The following RASA1 variants were observed in gnomAD, a reference collection of about 807,000 sequenced individuals.
RASA1 encodes the protein ras GTPase-activating protein 1.
In RASA1, 25 loss-of-function variants were observed where a neutral mutation model predicts 132.2. That is an observed-to-expected ratio of 0.19 (90% CI 0.14 to 0.26). The LOEUF (loss-of-function observed/expected upper bound fraction) is 0.26, where lower values mean the gene tolerates loss of function less well. Ranked by LOEUF, RASA1 falls within the 10% of genes least tolerant of loss-of-function variation. The probability of loss-of-function intolerance (pLI) is 1.00; values close to 1 mark genes in which losing one functional copy is unlikely to be tolerated. For missense variants in RASA1, 964 were observed against 1,299.2 expected (o/e 0.74, Z 3.97); for synonymous variants, 477 against 449.9 (o/e 1.06, Z -0.76).
At chr5:87,290,108 T>C (rs1438484573) in intron 1 of RASA1, among the ~76,000 whole-genome samples, 2 of 152,240 alleles carry the variant, frequency 1.3e-5, no homozygotes, top group South Asian at 2.1e-4. Flanking sequence ...TAGCAAGTTA[T>C]ATAGCTTGTT....
chr5:87,361,019 CACACACACAT>C (rs1760048806), intron 9 of RASA1, among the ~76,000 whole-genome samples: 1 of 152,112 alleles, frequency 6.6e-6, no homozygotes, highest in Non-Finnish European at 1.5e-5. Context: ...AACACAGTTA[CACACACACAT>C]ACACACACAC....
At chr5:87,327,981 AAGAG>A (rs763164073) in intron 1 of RASA1, among the ~76,000 whole-genome samples, 96 of 152,154 alleles carry the variant, frequency 6.3e-4, no homozygotes, top group African/African-American at 2.1e-3. Flanking sequence ...AAAAAAAAAA[AAGAG>A]AGAGAACTTC....
At chr5:87,320,165 G>A (rs922124771) in intron 1 of RASA1, among the ~76,000 whole-genome samples, 1 of 152,156 alleles carries the variant, frequency 6.6e-6, no homozygotes, top group Non-Finnish European at 1.5e-5. Context: ...GATTTTCACT[G>A]TCCATATCAC....
At chr5:87,319,072 TTCC>T in intron 1 of RASA1, among the ~76,000 whole-genome samples, 1 of 152,232 alleles carries the variant, frequency 6.6e-6, no homozygotes, top group Non-Finnish European at 1.5e-5. Flanking sequence ...TATCCTTTGA[TTCC>T]ATGTCTCACA....
intron 11 of RASA1, 32 bp from the exon 12 acceptor site, chr5:87,369,781 G>A (rs922341685): frequency 6.6e-7 from 1 of 1,504,802 alleles, no homozygotes; most frequent in Non-Finnish European, 9.2e-7. Context: ...TTTTTATTAA[G>A]CTTCCTAATA....
At chr5:87,314,368 A>C (rs1264199764) in intron 1 of RASA1, among the ~76,000 whole-genome samples, 1 of 152,116 alleles carries the variant, frequency 6.6e-6, no homozygotes. Context: ...TTGTTTCTGG[A>C]GATAATATTA....
chr5:87,281,935 T>A (rs1049358189), intron 1 of RASA1, among the ~76,000 whole-genome samples: 1 of 152,166 alleles, frequency 6.6e-6, no homozygotes, highest in Non-Finnish European at 1.5e-5. Context: ...CTTTATATGT[T>A]CTTGATATTA....
At chr5:87,330,738 T>C (rs533267870) in intron 1 of RASA1, among the ~76,000 whole-genome samples, 12 of 152,298 alleles carry the variant, frequency 7.9e-5, no homozygotes, top group African/African-American at 2.9e-4. Flanking sequence ...TTCTCCCACA[T>C]GTTTGTTACA....
At chr5:87,374,114 A>G in intron 13 of RASA1, 49 bp from the exon 14 acceptor site, 1 of 1,270,042 alleles carries the variant, frequency 7.9e-7, no homozygotes, top group Non-Finnish European at 1.0e-6. Flanking sequence ...ATGTAGTGCA[A>G]TTCTAGAAAT....
At chr5:87,385,218 A>G (rs1391212786) in intron 21 of RASA1, 83 bp from the exon 22 acceptor site, 1 of 899,176 alleles carries the variant, frequency 1.1e-6, no homozygotes, top group African/African-American at 1.6e-5. Context: ...CAGTAAAGAA[A>G]TATTAAAGTG....
intron 1 of RASA1, chr5:87,269,272 T>A (rs1183027269): frequency 1.3e-6 from 2 of 1,537,336 alleles, no homozygotes; most frequent in Non-Finnish European, 1.7e-6. Flanking sequence ...TATAGTTCTG[T>A]CCCTTCCAAG....
rs765869491 is a variant in RASA1, at chr5:87,353,193, G to A, written c.1290G>A (p.Gln430=). Residue 430 remains glutamine (Q), a synonymous_variant, in exon 9 of 25, where the codon CAG becomes CAA. Coordinates refer to ENST00000274376, the MANE Select transcript of RASA1 (RefSeq NM_002890.3). ...TCATAGATCACTATCGAAAAGAACA[G>A]ATTGTTGAAGGATATTATCTTAAGG... ...GDIIDHYRKE[Q]IVEGYYLKEP... 4.3e-6 allele frequency: 7 copies of A among 1,610,564 alleles called. No individual in the cohort carries two copies. The East Asian group carries it at 1.3e-4, about 31-fold the overall frequency.
intron 9 of RASA1, among the ~76,000 whole-genome samples, chr5:87,354,866 G>C (rs2112435997): frequency 6.6e-6 from 1 of 152,272 alleles, no homozygotes; most frequent in African/African-American, 2.4e-5. Context: ...CTGATATAGA[G>C]AAAATTTGAG....
At chr5:87,388,846 G>T (rs1762252732) in intron 23 of RASA1, among the ~76,000 whole-genome samples, 2 of 152,070 alleles carry the variant, frequency 1.3e-5, no homozygotes, top group Non-Finnish European at 2.9e-5. Flanking sequence ...ATTTAATCCA[G>T]ATTAGCAGTT....
At chr5:87,282,791 T>G (rs1007018821) in intron 1 of RASA1, among the ~76,000 whole-genome samples, 5 of 152,172 alleles carry the variant, frequency 3.3e-5, no homozygotes, top group African/African-American at 1.2e-4. Context: ...GGTCCTCAAG[T>G]TCACAGATTC....
chr5:87,280,951 A>G (rs1374617897), intron 1 of RASA1, among the ~76,000 whole-genome samples: 3 of 151,224 alleles, frequency 2.0e-5, no homozygotes, highest in Non-Finnish European at 2.9e-5. Context: ...AGGCTGAATA[A>G]TGTTCCATTG....
chr5:87,325,475 G>T (rs1008741315), intron 1 of RASA1, among the ~76,000 whole-genome samples: 2 of 152,198 alleles, frequency 1.3e-5, no homozygotes, highest in Admixed American at 6.5e-5. Context: ...AGACACAAGC[G>T]TGTGTAACAA....
chr5:87,307,461 A>G (rs1755670155), intron 1 of RASA1, among the ~76,000 whole-genome samples: 1 of 101,838 alleles, frequency 9.8e-6, no homozygotes, highest in South Asian at 2.9e-4. Flanking sequence ...ACTCTGTCTC[A>G]AAACAACAAC....
At chr5:87,372,045 A>AT in intron 12 of RASA1, 73 bp from the exon 13 acceptor site, 1 of 1,435,604 alleles carries the variant, frequency 7.0e-7, no homozygotes, top group South Asian at 1.2e-5. Flanking sequence ...ATTTGAAAAA[A>AT]AAAACCTAAC....
Sources: gnomAD v4.1 joint callset for allele counts (sites outside exome capture counted in the v4.1 genomes callset) on GRCh38, gnomAD v4.1.1 for gene constraint, MANE v1.5 for transcripts, NCBI Gene and HGNC (gene_info 2026-07-23, HGNC 2026-07-21) for gene names.